GRID1: variants seen among roughly 807,000 people sequenced by gnomAD.
GRID1 encodes the protein glutamate ionotropic receptor delta type subunit 1.
GRID1 carries 28 observed loss-of-function variants against 98.0 expected under a neutral mutation model. The ratio of observed to expected loss-of-function variants is 0.29; its 90% CI spans 0.21 to 0.39. The LOEUF (loss-of-function observed/expected upper bound fraction) is 0.39, where lower values mean the gene tolerates loss of function less well. Ranked by LOEUF, GRID1 falls within the 10% of genes least tolerant of loss-of-function variation. GRID1 has a pLI of 1.00. For missense variants in GRID1, 1,111 were observed against 1,340.5 expected (o/e 0.83, Z 2.67); for synonymous variants, 553 against 538.5 (o/e 1.03, Z -0.37).
At chr10:85,897,801 A>G (rs1291449921) in intron 5 of GRID1, among the ~76,000 whole-genome samples, 1 of 152,152 alleles carries the variant, frequency 6.6e-6, no homozygotes, top group Non-Finnish European at 1.5e-5. Context: ...TATCGTAACC[A>G]TACTGTACAA....
At chr10:85,860,305 C>T (rs1843152933) in intron 6 of GRID1, among the ~76,000 whole-genome samples, 2 of 152,188 alleles carry the variant, frequency 1.3e-5, no homozygotes, top group South Asian at 4.1e-4. Context: ...AACACTGCAG[C>T]ATAAAATTCC....
At chr10:86,264,549 GC>G in intron 2 of GRID1, 2 of 428,916 alleles carry the variant, frequency 4.7e-6, no homozygotes, top group Admixed American at 5.0e-5. Flanking sequence ...CCAGAGGCTG[GC>G]CACTCCACCT....
At chr10:85,740,188 T>G (rs1412071497) in intron 8 of GRID1, among the ~76,000 whole-genome samples, 1 of 152,200 alleles carries the variant, frequency 6.6e-6, no homozygotes, top group Non-Finnish European at 1.5e-5. Flanking sequence ...CAAGCCAGGC[T>G]GGAATTCTGT....
chr10:86,354,048 C>G (rs1468728166), intron 2 of GRID1, among the ~76,000 whole-genome samples: 1 of 152,158 alleles, frequency 6.6e-6, no homozygotes, highest in Non-Finnish European at 1.5e-5. Context: ...CCTCTGGGCA[C>G]TCAGATGAAA....
intron 2 of GRID1, among the ~76,000 whole-genome samples, chr10:86,344,471 T>A (rs1317430954): frequency 1.3e-5 from 2 of 152,080 alleles, no homozygotes; most frequent in African/African-American, 4.8e-5. Flanking sequence ...GGCCCACATG[T>A]GCCCCACACT....
At chr10:85,757,601 C>T (rs1842111246) in intron 8 of GRID1, among the ~76,000 whole-genome samples, 1 of 152,194 alleles carries the variant, frequency 6.6e-6, no homozygotes, top group Non-Finnish European at 1.5e-5. Context: ...CAGAGTTCAG[C>T]AGCATCCTGA....
intron 6 of GRID1, among the ~76,000 whole-genome samples, chr10:85,863,969 C>T (rs781505012): frequency 2.0e-5 from 3 of 152,226 alleles, no homozygotes; most frequent in Non-Finnish European, 4.4e-5. Context: ...ATCCTCCCAA[C>T]ACCAAAGCTG....
chr10:85,861,791 C>T (rs1843166117), intron 6 of GRID1, among the ~76,000 whole-genome samples: 1 of 152,224 alleles, frequency 6.6e-6, no homozygotes, highest in Non-Finnish European at 1.5e-5. Flanking sequence ...CTGCACTCCA[C>T]CCTCTGACCA....
At chr10:86,097,519 C>A (rs897095775) in intron 4 of GRID1, among the ~76,000 whole-genome samples, 12 of 152,080 alleles carry the variant, frequency 7.9e-5, no homozygotes, top group African/African-American at 2.4e-4. Context: ...GTCTACCTAT[C>A]TATCTAGCTA....
chr10:85,705,782 C>T (rs1841509223), intron 12 of GRID1, among the ~76,000 whole-genome samples: 1 of 152,172 alleles, frequency 6.6e-6, no homozygotes, highest in Non-Finnish European at 1.5e-5. Context: ...TGGGCTTCAT[C>T]CCTGGGATGC....
intron 3 of GRID1, among the ~76,000 whole-genome samples, chr10:86,162,518 C>A (rs1216046881): frequency 1.3e-5 from 2 of 152,212 alleles, no homozygotes; most frequent in Non-Finnish European, 2.9e-5. Context: ...TCTTCAGAAG[C>A]TTTCCATGGA....
intron 2 of GRID1, among the ~76,000 whole-genome samples, chr10:86,259,682 G>A (rs536844237): frequency 1.3e-5 from 2 of 152,258 alleles, no homozygotes; most frequent in Non-Finnish European, 2.9e-5. Flanking sequence ...GTGTGTGCAC[G>A]CACATGCGTG....
chr10:86,362,986 C>T (rs1848620601), intron 2 of GRID1, among the ~76,000 whole-genome samples: 1 of 152,272 alleles, frequency 6.6e-6, no homozygotes, highest in Non-Finnish European at 1.5e-5. Context: ...CCCAGAGTCC[C>T]CATGGTTGCG....
intron 4 of GRID1, among the ~76,000 whole-genome samples, chr10:85,938,743 A>G (rs1841959894): frequency 6.6e-6 from 1 of 152,200 alleles, no homozygotes; most frequent in African/African-American, 2.4e-5. Flanking sequence ...AATAGATTAG[A>G]AACAGGCCAG....
intron 13 of GRID1, among the ~76,000 whole-genome samples, chr10:85,629,581 GAAT>G (rs1842952728): frequency 6.6e-6 from 1 of 152,132 alleles, no homozygotes. Context: ...GTTAATGGCT[GAAT>G]AATATTCCTT....
At chr10:85,669,157 T>A (rs187666032) in intron 12 of GRID1, among the ~76,000 whole-genome samples, 1 of 152,356 alleles carries the variant, frequency 6.6e-6, no homozygotes, top group East Asian at 1.9e-4. Flanking sequence ...GGCTATTTCA[T>A]AACCATTACC....
intron 14 of GRID1, among the ~76,000 whole-genome samples, chr10:85,619,662 G>T (rs1842834894): frequency 6.6e-6 from 1 of 152,182 alleles, no homozygotes; most frequent in South Asian, 2.1e-4. Context: ...ATCCCACAGA[G>T]ACTCTGAGCC....
intron 13 of GRID1, among the ~76,000 whole-genome samples, chr10:85,632,079 G>T (rs1272561202): frequency 1.3e-5 from 2 of 151,948 alleles, no homozygotes; most frequent in African/African-American, 4.8e-5. Context: ...GCATAGAGTT[G>T]GTGCTAAGTA....
At chr10:86,035,434 T>G (rs759608751) in intron 4 of GRID1, among the ~76,000 whole-genome samples, 3 of 152,356 alleles carry the variant, frequency 2.0e-5, no homozygotes, top group Non-Finnish European at 1.5e-5. Context: ...AGTGCCCTCT[T>G]GACTATGAAA....
Sources: gnomAD v4.1 joint callset for allele counts (sites outside exome capture counted in the v4.1 genomes callset) on GRCh38, gnomAD v4.1.1 for gene constraint, MANE v1.5 for transcripts, NCBI Gene and HGNC (gene_info 2026-07-23, HGNC 2026-07-21) for gene names.